TLN2: variants seen among roughly 807,000 people sequenced by gnomAD.
TLN2 encodes talin 2.
A neutral mutation model predicts 294.7 loss-of-function variants in TLN2; 118 were observed. That is an observed-to-expected ratio of 0.40 (90% confidence interval 0.34 to 0.47). The LOEUF (loss-of-function observed/expected upper bound fraction) is 0.47, where lower values mean the gene tolerates loss of function less well. TLN2 is among the 20% of genes least tolerant of loss of function. The pLI, the probability that TLN2 is intolerant of heterozygous loss-of-function variation, is 0.84. For missense variants in TLN2, 3,083 were observed against 3,282.2 expected, an observed-to-expected ratio of 0.94 and a Z score of 1.48; for synonymous variants, 1,431 against 1,304.5, an observed-to-expected ratio of 1.10 and a Z score of -2.09.
At chr15:62,507,449 G>T (rs1271472011) in intron 1 of TLN2, among the ~76,000 whole-genome samples, 1 of 152,182 alleles carries the variant, frequency 6.6e-6, no homozygotes, top group Non-Finnish European at 1.5e-5. Context: ...CCCTAAGGCT[G>T]GTCCTTCTTT....
chr15:62,703,866 C>T (rs1224814421), intron 19 of TLN2, among the ~76,000 whole-genome samples: 1 of 152,208 alleles, frequency 6.6e-6, no homozygotes, highest in Admixed American at 6.5e-5. Context: ...TGCTCATCTG[C>T]CTCCATCCCT....
intron 2 of TLN2, among the ~76,000 whole-genome samples, chr15:62,595,109 T>C (rs2046377773): frequency 6.6e-6 from 1 of 152,164 alleles, no homozygotes; most frequent in Non-Finnish European, 1.5e-5. Context: ...TCACACTTGT[T>C]AGGATGGCTA....
intron 1 of TLN2, among the ~76,000 whole-genome samples, chr15:62,416,125 C>G (rs900664495): frequency 6.6e-6 from 1 of 152,038 alleles, no homozygotes; most frequent in Admixed American, 6.6e-5. Context: ...ATGGGGAGAC[C>G]CTGTCTCTAC....
At chr15:62,522,499 G>A (rs2040512395) in intron 1 of TLN2, among the ~76,000 whole-genome samples, 2 of 152,150 alleles carry the variant, frequency 1.3e-5, no homozygotes, top group Admixed American at 1.3e-4. Flanking sequence ...CTGAATCCTG[G>A]CTGCTAGAAC....
chr15:62,737,609 G>A (rs920067900), intron 29 of TLN2, among the ~76,000 whole-genome samples: 3 of 152,202 alleles, frequency 2.0e-5, no homozygotes, highest in African/African-American at 7.2e-5. Flanking sequence ...CACCTCCAAA[G>A]ACCTTCCTTT....
intron 1 of TLN2, among the ~76,000 whole-genome samples, chr15:62,456,998 G>A (rs983330456): frequency 1.3e-5 from 2 of 152,188 alleles, no homozygotes; most frequent in African/African-American, 4.8e-5. Context: ...TACAACCTGT[G>A]AATGCTTGAC....
At chr15:62,429,038 G>A (rs572845317) in intron 1 of TLN2, among the ~76,000 whole-genome samples, 11 of 149,274 alleles carry the variant, frequency 7.4e-5, no homozygotes, top group South Asian at 2.1e-4. Flanking sequence ...CCTGACTTCC[G>A]TCTGGAGACC....
At chr15:62,588,253 C>T (rs890950209) in intron 1 of TLN2, among the ~76,000 whole-genome samples, 1 of 152,046 alleles carries the variant, frequency 6.6e-6, no homozygotes, top group African/African-American at 2.4e-5. Flanking sequence ...TTTTTTAAGA[C>T]ATGAAAAATT....
chr15:62,646,501 C>A (rs919514878), intron 3 of TLN2, among the ~76,000 whole-genome samples: 2 of 152,140 alleles, frequency 1.3e-5, no homozygotes, highest in Admixed American at 1.3e-4. Context: ...GGAGAAGAAA[C>A]AAAATATCTC....
At chr15:62,508,559 A>C (rs2039758892) in intron 1 of TLN2, among the ~76,000 whole-genome samples, 1 of 152,252 alleles carries the variant, frequency 6.6e-6, no homozygotes, top group South Asian at 2.1e-4. Context: ...CATTTCGAAA[A>C]GATCTGGACA....
At chr15:62,677,759 T>C (rs1215964366) in intron 11 of TLN2, among the ~76,000 whole-genome samples, 6 of 146,660 alleles carry the variant, frequency 4.1e-5, no homozygotes, top group African/African-American at 1.5e-4. Context: ...AAAAATTACA[T>C]CTCTTTGAAG....
intron 1 of TLN2, among the ~76,000 whole-genome samples, chr15:62,473,536 C>T (rs1008830519): frequency 1.3e-5 from 2 of 152,110 alleles, no homozygotes; most frequent in South Asian, 2.1e-4. Context: ...GTATGTGTTC[C>T]TAAACAATGT....
intron 2 of TLN2, among the ~76,000 whole-genome samples, chr15:62,607,909 C>T (rs962849322): frequency 2.0e-5 from 3 of 152,172 alleles, no homozygotes; most frequent in South Asian, 2.1e-4. Flanking sequence ...TGACTGTGAA[C>T]AAGTGTTTCC....
intron 50 of TLN2, among the ~76,000 whole-genome samples, chr15:62,804,788 C>G (rs2066158580): frequency 6.6e-6 from 1 of 152,304 alleles, no homozygotes; most frequent in South Asian, 2.1e-4. Context: ...GCCCACTCTT[C>G]TGCATCAGGG....
intron 36 of TLN2, chr15:62,755,185 T>C: frequency 5.4e-6 from 1 of 183,842 alleles, no homozygotes; most frequent in East Asian, 1.4e-4. Flanking sequence ...GCCAGAAAAC[T>C]TAAAATTGGG....
In TLN2 at chr15:62,641,184, C is replaced by A. The variant is rs527740502; in HGVS notation, c.-36-6091C>A. ...CAGGAGTTGTACCTGTCTTTGCCCC[C>A]TAATGCCTGTTAGGTTATCTAGTAC... On this transcript the variant is annotated intron_variant, in intron 3 of 58. Coordinates refer to ENST00000636159, the MANE Select transcript of TLN2 (RefSeq NM_015059.3). Among the ~76,000 whole-genome samples the A allele has an allele frequency of 5.3e-5, 8 of 152,222 alleles. No homozygotes were observed. In the East Asian group the frequency reaches 1.2e-3, roughly 22 times the overall value.
chr15:62,605,840 C>A (rs968251791), intron 2 of TLN2, among the ~76,000 whole-genome samples: 3 of 152,180 alleles, frequency 2.0e-5, no homozygotes, highest in African/African-American at 7.2e-5. Context: ...AAGCTGCAAG[C>A]GAACTACCCT....
At chr15:62,569,383 A>C (rs2043676192) in intron 1 of TLN2, among the ~76,000 whole-genome samples, 1 of 152,234 alleles carries the variant, frequency 6.6e-6, no homozygotes, top group African/African-American at 2.4e-5. Context: ...TGGGCACCCA[A>C]GTGACAGACA....
chr15:62,687,375 C>A (rs75823449), intron 12 of TLN2, among the ~76,000 whole-genome samples: 2,140 of 152,236 alleles, frequency 0.014, 57 homozygotes, highest in African/African-American at 0.047. Context: ...GGTGATAGTC[C>A]TACCTACAGA....
Sources: allele counts gnomAD v4.1 joint callset (sites outside exome capture counted in the v4.1 genomes callset), GRCh38; gene constraint gnomAD v4.1.1; transcripts MANE v1.5; gene names NCBI Gene and HGNC (gene_info 2026-07-23, HGNC 2026-07-21).